Variants in GABRA3 observed in about 807,000 individuals in gnomAD.
The protein encoded by GABRA3 is gamma-aminobutyric acid type A receptor subunit alpha3.
GABRA3 carries 10 observed loss-of-function variants against 30.1 expected under a neutral mutation model. The ratio of observed to expected loss-of-function variants is 0.33; its 90% CI spans 0.20 to 0.56. The LOEUF is 0.56. GABRA3 is among the 20% of genes least tolerant of loss of function. The probability of loss-of-function intolerance (pLI) is 0.89; values close to 1 mark genes in which losing one functional copy is unlikely to be tolerated. For missense variants in GABRA3, 233 were observed against 392.0 expected (o/e 0.59, Z 3.42); for synonymous variants, 151 against 146.8 (o/e 1.03, Z -0.21).
intron 6 of GABRA3, among the ~76,000 whole-genome samples, chrX:152,218,957 C>G (rs1937778927): frequency 9.0e-6 from 1 of 111,091 alleles, no homozygotes; most frequent in Non-Finnish European, 1.9e-5. Context: ...TAGAGGTTTT[C>G]TAAGATTAAT....
chrX:152,326,934 T>C (rs1940070744), intron 3 of GABRA3, among the ~76,000 whole-genome samples: 1 of 109,716 alleles, frequency 9.1e-6, no homozygotes, highest in African/African-American at 3.3e-5. Context: ...TCTAGACCCA[T>C]CAGTGTGCTG....
intron 2 of GABRA3, among the ~76,000 whole-genome samples, chrX:152,351,683 G>A (rs1032654839): frequency 1.8e-5 from 2 of 111,501 alleles, no homozygotes; most frequent in Non-Finnish European, 3.8e-5. Flanking sequence ...CCTTTCATTC[G>A]CATTGACAAC....
chrX:152,409,357 A>G (rs1930012877), intron 1 of GABRA3, among the ~76,000 whole-genome samples: 1 of 110,902 alleles, frequency 9.0e-6, no homozygotes, highest in Non-Finnish European at 1.9e-5. Flanking sequence ...AAAGAAAGAA[A>G]TCAATCAATC....
intron 5 of GABRA3, among the ~76,000 whole-genome samples, chrX:152,240,047 C>T (rs1171927312): frequency 6.8e-4 from 64 of 94,298 alleles, no homozygotes; most frequent in African/African-American, 2.6e-3. Flanking sequence ...ATGATGTTAG[C>T]TGGTGATTTT....
At chrX:152,378,233 G>A (rs1477684629) in intron 1 of GABRA3, among the ~76,000 whole-genome samples, 9 of 111,689 alleles carry the variant, frequency 8.1e-5, no homozygotes, top group Non-Finnish European at 3.8e-5. Flanking sequence ...GAGGAATCTA[G>A]GCACAATGAG....
At chrX:152,200,683 C>T (rs1937472045) in intron 7 of GABRA3, among the ~76,000 whole-genome samples, 1 of 111,108 alleles carries the variant, frequency 9.0e-6, no homozygotes, top group Non-Finnish European at 1.9e-5. Flanking sequence ...TTTCCAAACG[C>T]TACCTATTAA....
chrX:152,260,020 GT>G (rs771791392), intron 4 of GABRA3, among the ~76,000 whole-genome samples: 1 of 110,485 alleles, frequency 9.1e-6, no homozygotes, highest in South Asian at 4.0e-4. Flanking sequence ...GCCCTGAAAG[GT>G]GAGTCCCAGG....
chrX:152,344,532 T>C (rs1244504810), intron 3 of GABRA3, among the ~76,000 whole-genome samples: 1 of 111,900 alleles, frequency 8.9e-6, no homozygotes, highest in Non-Finnish European at 1.9e-5. Flanking sequence ...GACTATTGGG[T>C]GTAAGCTGGA....
chrX:152,215,363 T>G (rs149458152), intron 6 of GABRA3, among the ~76,000 whole-genome samples: 2,658 of 111,065 alleles, frequency 0.024, 44 homozygotes, highest in Middle Eastern at 0.065. Flanking sequence ...TTAAGAGCTT[T>G]CATCAGGAAG....
chrX:152,439,580 A>G (rs1002064303), intron 1 of GABRA3, among the ~76,000 whole-genome samples: 8 of 111,728 alleles, frequency 7.2e-5, no homozygotes, highest in African/African-American at 2.3e-4. Flanking sequence ...TACTTTGCAT[A>G]TAACCCCAGG....
At chrX:152,241,845 G>A (rs1188616846) in intron 5 of GABRA3, among the ~76,000 whole-genome samples, 1 of 111,860 alleles carries the variant, frequency 8.9e-6, no homozygotes, top group Non-Finnish European at 1.9e-5. Context: ...GTGAGGCAAT[G>A]CCTCGCCCTG....
intron 1 of GABRA3, among the ~76,000 whole-genome samples, chrX:152,399,804 G>A (rs1013654926): frequency 9.0e-6 from 1 of 111,690 alleles, no homozygotes; most frequent in Non-Finnish European, 1.9e-5. Flanking sequence ...CAGACATAGC[G>A]AGGTGATTTT....
At position 152,239,823 on chromosome X, in the gene GABRA3, C is replaced by CT. The variant is rs992520026; in HGVS notation, c.552-14979dup. ...CAGAGACGAGGATTGCAACCCCTGCCTTTTTTTGTTTTCCATTAGCTTGGT... is the reference window on the plus strand; with the variant it reads ...CAGAGACGAGGATTGCAACCCCTGCCTTTTTTTTGTTTTCCATTAGCTTGGT... On this transcript the variant is annotated intron_variant, in intron 5 of 9. Transcript: ENST00000370314. Among the ~76,000 whole-genome samples the CT allele has an allele frequency of 3.7e-4, 39 of 104,818 alleles. 1 individual carries two copies. The East Asian group carries it at 0.012, about 33-fold the overall frequency. The allele number at this position is 104,818 out of a possible 115,157, so 91.0% of individuals were successfully genotyped here.
In GABRA3 at chrX:152,441,878, C is replaced by A. The variant is rs745870264; in HGVS notation, c.-27+9268G>T. Among the ~76,000 whole-genome samples, 3 of 111,594 alleles carry A rather than the reference C, an allele frequency of 2.7e-5. No homozygotes were observed. In the East Asian group the frequency reaches 8.4e-4, roughly 31 times the overall value. ...AAAGAAAATTTCTTGAACTCTTCAG[C>A]AAAATTTTGGAGAACATTTTTTATG... is the stretch of plus-strand genomic sequence containing the variant. On this transcript the variant is annotated intron_variant, in intron 1 of 9. Transcript: ENST00000370314.
chrX:152,295,689 C>T (rs1939516972), intron 3 of GABRA3, among the ~76,000 whole-genome samples: 1 of 112,424 alleles, frequency 8.9e-6, no homozygotes, highest in South Asian at 3.7e-4. Context: ...TCGGGTCACC[C>T]TCCATGGGCT....
rs770191868 is a variant in GABRA3 at position 152,300,411 on chromosome X, G to GA, written c.263-15677dup. ...AAGTTGATTACCTGATAAAACAAAT[G>GA]AAAAAAAAAATCAACATTCTCCAGA... On this transcript the variant is annotated intron_variant, in intron 3 of 9. Transcript: ENST00000370314. 1.3e-3 allele frequency among the ~76,000 whole-genome samples: 141 copies of GA among 106,262 alleles called. 3 individuals carry two copies. The East Asian group carries it at 0.025, about 19-fold the overall frequency. The allele number at this position is 106,262 out of a possible 115,157, so 92.3% of individuals were successfully genotyped here.
chrX:152,446,819 T>C (rs1931099588), intron 1 of GABRA3, among the ~76,000 whole-genome samples: 1 of 111,951 alleles, frequency 8.9e-6, no homozygotes, highest in Admixed American at 9.5e-5. Flanking sequence ...CTCCTTTGCA[T>C]ATAAAGTCCT....
chrX:152,288,806 G>T (rs977192062), intron 3 of GABRA3, among the ~76,000 whole-genome samples: 1 of 111,856 alleles, frequency 8.9e-6, no homozygotes, highest in Admixed American at 9.5e-5. Flanking sequence ...AGATAAGAAG[G>T]GATTTTTCTT....
chrX:152,404,748 T>C (rs1223474628), intron 1 of GABRA3, among the ~76,000 whole-genome samples: 1 of 49,574 alleles, frequency 2.0e-5, no homozygotes, highest in African/African-American at 8.0e-5. Context: ...ATTATTATTA[T>C]TATTATTATT....
Sources: gnomAD v4.1 joint callset for allele counts (sites outside exome capture counted in the v4.1 genomes callset) on GRCh38, gnomAD v4.1.1 for gene constraint, MANE v1.5 for transcripts, NCBI Gene and HGNC (gene_info 2026-07-23, HGNC 2026-07-21) for gene names.